Variants in POLRMT observed in about 807,000 individuals in gnomAD.
POLRMT encodes the protein RNA polymerase mitochondrial, also known as DNA-directed RNA polymerase, mitochondrial.
Under a neutral mutation model 132.2 loss-of-function variants are expected in POLRMT, and 114 were observed. That is an observed-to-expected ratio of 0.86 (90% CI 0.74 to 1.01). POLRMT has a LOEUF of 1.01. Among genes scored for constraint, POLRMT ranks in the 50% least tolerant of loss-of-function variants. The probability of loss-of-function intolerance (pLI) is 0.00; values close to 1 mark genes in which losing one functional copy is unlikely to be tolerated. For missense variants in POLRMT, 2,003 were observed against 1,729.1 expected (o/e 1.16, Z -2.81); for synonymous variants, 1,020 against 773.4 (o/e 1.32, Z -5.29).
rs1021674736 is a variant in POLRMT, at chr19:632,901, C to G, written c.126G>C (p.Ser42=). The part of the protein sequence containing the change: ...AGGVCGPRRS[S]SASPQEQDQD... ...GGTCTTGCTCCTGGGGGCTGGCGGA[C>G]GAGCTCCTCCTGGGGCCGCAGACGC... The change falls in exon 2 of 21, where the codon TCG becomes TCC. Residue 42 remains serine (S), a synonymous_variant. Coordinates refer to ENST00000588649, the MANE Select transcript of POLRMT (RefSeq NM_005035.4). 2 of 1,538,890 alleles carry G rather than the reference C, an allele frequency of 1.3e-6. No individual in the cohort carries two copies. The highest frequency in any genetic ancestry group is 8.7e-7 in the Non-Finnish European group (1 of 1,147,266).
At position 621,121 on chromosome 19, in the gene POLRMT, C is replaced by T. The variant is rs1984542482; in HGVS notation, c.2577G>A (p.Lys859=). The T allele has an allele frequency of 6.2e-7, 1 of 1,610,630 alleles. No homozygotes were observed. Among genetic ancestry groups the T allele is most frequent in the Admixed American group, 1.7e-5 (1 of 59,894 alleles). The change falls in exon 10 of 21, where the codon AAG becomes AAA. Residue 859 remains lysine (K), a synonymous_variant. Coordinates refer to ENST00000588649, the MANE Select transcript of POLRMT (RefSeq NM_005035.4). ...TGLKKREPLR[K]RLAFAEEVMD... ...TCACCTCCTCCGCAAAGGCCAGGCG[C>T]TTCCGCAGCGGCTCCCGCTTCTTCA...
In POLRMT at chr19:617,493, G is replaced by A. The variant is rs762170823; in HGVS notation, c.3582-13C>T. ...GATCTTCTGGGGCCTGGGGTTGGAAGCAGGGTGGGGTGAGGCTGAGGCCAG... is the reference window on the plus strand; with the variant it reads ...GATCTTCTGGGGCCTGGGGTTGGAAACAGGGTGGGGTGAGGCTGAGGCCAG... On this transcript the variant is annotated splice_polypyrimidine_tract_variant and intron_variant, in intron 19 of 20. Coordinates refer to ENST00000588649, the MANE Select transcript of POLRMT (RefSeq NM_005035.4). The A allele has an allele frequency of 1.2e-6, 2 of 1,608,778 alleles. No homozygotes were observed. Among genetic ancestry groups the A allele is most frequent in the East Asian group, 2.2e-5 (1 of 44,818 alleles).
chr19:617,518 G>A (rs751299579), intron 19 of POLRMT, 38 bp from the exon 20 acceptor site: 7 of 1,592,202 alleles, frequency 4.4e-6, no homozygotes, highest in South Asian at 1.1e-5. Flanking sequence ...GCTGAGGCCA[G>A]GTTTTGGGGT....
chr19:629,486 A>T (rs1985247511), intron 3 of POLRMT, 54 bp downstream of exon 3: 1 of 1,449,658 alleles, frequency 6.9e-7, no homozygotes, highest in African/African-American at 1.4e-5. Context: ...AAATGAGGGC[A>T]AGTTCCTGTC....
At chr19:633,354 A>G (rs1985568033) in intron 1 of POLRMT, 71 bp downstream of exon 1, 2 of 1,387,286 alleles carry the variant, frequency 1.4e-6, no homozygotes, top group Non-Finnish European at 1.9e-6. Context: ...AAAGCGCCAA[A>G]GGCCCCGGCC....
chr19:618,370 C>T (rs780737789), intron 17 of POLRMT, 118 bp downstream of exon 17: 5 of 767,918 alleles, frequency 6.5e-6, no homozygotes, highest in Admixed American at 2.9e-5. Flanking sequence ...ACAGACACAG[C>T]AGATCCACTC....
Position 621,618 on chromosome 19 carries a change from C to T in POLRMT, c.2080G>A (p.Gly694Ser), listed in dbSNP as rs201658953. The T allele has an allele frequency of 2.0e-4, 299 of 1,517,988 alleles. No homozygotes were observed. The highest frequency in any genetic ancestry group is 2.5e-4 in the Non-Finnish European group (289 of 1,135,312). The allele number at this position is 1,517,988 out of a possible 1,614,324, so 94.0% of individuals were successfully genotyped here. A position where few individuals can be genotyped will look rare whatever the true frequency, so the allele number is the denominator to read the frequency against. ...LETCPPTALHGALDALTQLGN... is the reference protein window; with the variant it reads ...LETCPPTALHSALDALTQLGN... ...AGTTGGGTGAGGGCGTCCAGTGCGC[C>T]ATGCAGCGCGGTGGGCGGGCAGGTT... The change falls in exon 10 of 21, where the codon GGC becomes AGC. Residue 694 changes from glycine to serine, a missense_variant. Physicochemically the swap from Gly to Ser is moderately conservative, Grantham distance 56. Coordinates refer to ENST00000588649, the MANE Select transcript of POLRMT (RefSeq NM_005035.4).
At chr19:629,015 TAAAC>T (rs1399053743) in intron 3 of POLRMT, among the ~76,000 whole-genome samples, 7 of 151,370 alleles carry the variant, frequency 4.6e-5, no homozygotes, top group East Asian at 1.9e-4. Context: ...AACAAATAAA[TAAAC>T]AAACAAAAAG....
intron 2 of POLRMT, 49 bp downstream of exon 2, chr19:632,785 G>A: frequency 1.4e-6 from 2 of 1,444,658 alleles, no homozygotes; most frequent in Non-Finnish European, 1.9e-6. Context: ...TCTCCCGGCA[G>A]CAGGGAGCGG....
At chr19:623,075 A>T in intron 6 of POLRMT, 90 bp from the exon 7 acceptor site, 1 of 1,443,068 alleles carries the variant, frequency 6.9e-7, no homozygotes, top group Non-Finnish European at 9.3e-7. Context: ...CCCTGCAGAG[A>T]CCTCATGGCC....
chr19:620,192 G>C, intron 11 of POLRMT, 112 bp from the exon 12 acceptor site: 1 of 1,479,838 alleles, frequency 6.8e-7, no homozygotes, highest in Non-Finnish European at 9.0e-7. Flanking sequence ...CCCCAGCCAA[G>C]TGCACCGGAG....
rs1984510443 is a variant in POLRMT at position 620,962 on chromosome 19, G to A, written c.2640+96C>T. 6.3e-6 allele frequency: 4 copies of A among 635,286 alleles called. 1 individual carries two copies. Among genetic ancestry groups the A allele is most frequent in the Non-Finnish European group, 8.9e-6 (4 of 451,286 alleles). The allele number at this position is 635,286 out of a possible 1,614,324, so 39.4% of individuals were successfully genotyped here. ...GAGGGGGAGGGGAGGAGGAAGACGG[G>A]CAGGGGGCGCGGGGGCGCCGGGGGA... On this transcript the variant is annotated intron_variant, in intron 10 of 20. Transcript: ENST00000588649.
rs774398281 is a variant in POLRMT, at chr19:621,300, T to C, written c.2398A>G (p.Met800Val). Residue 800 changes from methionine to valine, a missense_variant, in exon 10 of 21, where the codon ATG becomes GTG. Transcript: ENST00000588649. ...GGGTAGGTGCGGCCGCGGAAGTCCATGTTGTGCGGCAGCCAGAAGACGCGG... is the reference window on the plus strand; with the variant it reads ...GGGTAGGTGCGGCCGCGGAAGTCCACGTTGTGCGGCAGCCAGAAGACGCGG... ...RDRVFWLPHN[M>V]DFRGRTYPCP... 3.1e-6 allele frequency: 5 copies of C among 1,602,148 alleles called. No homozygotes were observed. The highest frequency in any genetic ancestry group is 1.7e-5 in the Admixed American group (1 of 59,572).
At position 623,063 on chromosome 19, in the gene POLRMT, C is replaced by G. The variant is rs926986757; in HGVS notation, c.1291-78G>C. On this transcript the variant is annotated intron_variant, in intron 6 of 20. Coordinates refer to ENST00000588649, the MANE Select transcript of POLRMT (RefSeq NM_005035.4). Reference sequence around the variant, plus strand: ...GCTCACAGGACGGGGGTCACCGCAGCTCCCTGCAGAGACCTCATGGCCCTC... The same window carrying G: ...GCTCACAGGACGGGGGTCACCGCAGGTCCCTGCAGAGACCTCATGGCCCTC... 14 of 1,505,092 alleles carry G rather than the reference C, an allele frequency of 9.3e-6. No individual in the cohort carries two copies. The South Asian group carries it at 1.6e-4, about 17-fold the overall frequency. The allele number at this position is 1,505,092 out of a possible 1,614,324, so 93.2% of individuals were successfully genotyped here. A position where few individuals can be genotyped will look rare whatever the true frequency, so the allele number is the denominator to read the frequency against.
At chr19:632,296 G>A (rs984794272) in intron 2 of POLRMT, among the ~76,000 whole-genome samples, 1 of 152,236 alleles carries the variant, frequency 6.6e-6, no homozygotes, top group African/African-American at 2.4e-5. Flanking sequence ...AATGGACGCA[G>A]ACAGGATGTG....
Position 620,058 on chromosome 19 carries a change from T to G in POLRMT, c.2786A>C (p.Gln929Pro). Residue 929 changes from glutamine to proline, a missense_variant, in exon 12 of 21, where the codon CAG becomes CCG. Coordinates refer to ENST00000588649, the MANE Select transcript of POLRMT (RefSeq NM_005035.4). ...GTCGCGGCCCAGAGCAGCATAATGC[T>G]GCAGGCCGTTGCAAGAGCCGTCCTG... Reference protein sequence around the residue: ...VHQDGSCNGLQHYAALGRDSV... With the variant: ...VHQDGSCNGLPHYAALGRDSV... The G allele has an allele frequency of 1.3e-6, 2 of 1,545,852 alleles. No individual in the cohort carries two copies. The highest frequency in any genetic ancestry group is 1.7e-6 in the Non-Finnish European group (2 of 1,150,464).
intron 5 of POLRMT, among the ~76,000 whole-genome samples, chr19:624,443 C>T (rs1197086449): frequency 1.3e-5 from 2 of 152,222 alleles, no homozygotes; most frequent in African/African-American, 4.8e-5. Context: ...CCACTGCGTG[C>T]ACCTGGCAGC....
At position 622,816 on chromosome 19, in the gene POLRMT, C is replaced by G; in HGVS notation, c.1455+5G>C. On this transcript the variant is annotated splice_donor_5th_base_variant and intron_variant, in intron 7 of 20. Transcript: ENST00000588649. ...GGGGACCCGGCCGCGCGGAGGAAGA[C>G]GCACCTGCAGGAGCATCCGCACCAC... The G allele has an allele frequency of 6.3e-7, 1 of 1,587,172 alleles. No homozygotes were observed. Among genetic ancestry groups the G allele is most frequent in the Non-Finnish European group, 8.6e-7 (1 of 1,167,918 alleles).
Position 617,424 on chromosome 19 carries a change from T to G in POLRMT, c.3638A>C (p.Lys1213Thr), listed in dbSNP as rs956853430. The G allele has an allele frequency of 3.1e-6, 5 of 1,612,198 alleles. No individual in the cohort carries two copies. The African/African-American group carries it at 6.7e-5, about 22-fold the overall frequency. ...QLKETLQAVP[K>T]PGAFDLEQVK... ...GAGGCTGCCCACCCGCCTACCTGGC[T>G]TGGGCACCGCCTGCAGTGTCTCCTT... The change falls in exon 20 of 21, where the codon AAG becomes ACG. Residue 1213 changes from lysine to threonine, a missense_variant. Lys to Thr is a moderately conservative substitution (Grantham distance 78, BLOSUM62 -1). Coordinates refer to ENST00000588649, the MANE Select transcript of POLRMT (RefSeq NM_005035.4).
Sources: gnomAD v4.1 joint callset for allele counts (sites outside exome capture counted in the v4.1 genomes callset) on GRCh38, gnomAD v4.1.1 for gene constraint, MANE v1.5 for transcripts, NCBI Gene and HGNC (gene_info 2026-07-23, HGNC 2026-07-21) for gene names.